The following SOBP variants were observed in gnomAD, a reference collection of about 807,000 sequenced individuals.
SOBP encodes sine oculis-binding protein homolog.
A neutral mutation model predicts 53.6 loss-of-function variants in SOBP; 4 were observed. The observed-to-expected ratio is 0.07, with a 90% CI of 0.04 to 0.17. SOBP has a LOEUF of 0.17. SOBP is among the 10% of genes least tolerant of loss of function. SOBP has a pLI of 1.00. For missense variants in SOBP, 1,088 were observed against 1,204.7 expected (o/e 0.90, Z 1.43); for synonymous variants, 584 against 522.6 (o/e 1.12, Z -1.60).
chr6:107,498,496 A>G (rs1360604378), intron 1 of SOBP, among the ~76,000 whole-genome samples: 1 of 152,122 alleles, frequency 6.6e-6, no homozygotes, highest in Non-Finnish European at 1.5e-5. Context: ...AATTACTGCT[A>G]TTTTCAGTGT....
At chr6:107,608,620 C>T (rs1007656771) in intron 5 of SOBP, among the ~76,000 whole-genome samples, 5 of 152,202 alleles carry the variant, frequency 3.3e-5, no homozygotes, top group Admixed American at 6.5e-5. Flanking sequence ...CTGCACTGTG[C>T]CCAGTGACCT....
chr6:107,581,071 GGA>G (rs1229968658), intron 4 of SOBP, among the ~76,000 whole-genome samples: 8 of 152,220 alleles, frequency 5.3e-5, no homozygotes, highest in Admixed American at 1.3e-4. Flanking sequence ...CACTAGTCCA[GGA>G]TCTGGACATT....
rs574410043 is a variant in SOBP at position 107,649,317 on chromosome 6, A to T, written c.*4-8890A>T. Among the ~76,000 whole-genome samples, 15 of 152,138 alleles carry T rather than the reference A, an allele frequency of 9.9e-5. No homozygotes were observed. In the South Asian group the frequency reaches 3.1e-3, roughly 32 times the overall value. ...GGCAACACAGGGAGACCCCATTTCT[A>T]CAAAAAATCAGAAAAAAATTAGCCA... On this transcript the variant is annotated intron_variant, in intron 6 of 6. Coordinates refer to ENST00000317357, the MANE Select transcript of SOBP (RefSeq NM_018013.4).
rs540369070 is a variant in SOBP at position 107,661,104 on chromosome 6, G to A, written c.*2901G>A. 2.0e-5 allele frequency among the ~76,000 whole-genome samples: 3 copies of A among 152,276 alleles called. No individual in the cohort carries two copies. Among genetic ancestry groups the A allele is most frequent in the South Asian group, 2.1e-4 (1 of 4,822 alleles). On this transcript the variant is annotated 3_prime_UTR_variant, in exon 7 of 7. Coordinates refer to ENST00000317357, the MANE Select transcript of SOBP (RefSeq NM_018013.4). Reference sequence around the variant, plus strand: ...CATCCAGGATATTGATTTTGCTTTTGTCTGTAGTCCAAGATTGTCAAGCAA... The same window carrying A: ...CATCCAGGATATTGATTTTGCTTTTATCTGTAGTCCAAGATTGTCAAGCAA...
intron 5 of SOBP, among the ~76,000 whole-genome samples, chr6:107,626,572 C>G (rs1206512429): frequency 6.6e-6 from 1 of 152,196 alleles, no homozygotes; most frequent in Non-Finnish European, 1.5e-5. Context: ...ACTCATGTCC[C>G]AGGTTCCTAG....
At chr6:107,594,482 A>G (rs1331817018) in intron 5 of SOBP, among the ~76,000 whole-genome samples, 1 of 146,182 alleles carries the variant, frequency 6.8e-6, no homozygotes, top group Non-Finnish European at 1.5e-5. Context: ...ACTAAGCTTA[A>G]AAAAAAAAAA....
At chr6:107,626,732 T>C (rs1358034277) in intron 5 of SOBP, among the ~76,000 whole-genome samples, 2 of 152,124 alleles carry the variant, frequency 1.3e-5, no homozygotes, top group Non-Finnish European at 2.9e-5. Flanking sequence ...CAATGGGAGA[T>C]GGGCTAGGAC....
rs762102097 is a variant in SOBP, at chr6:107,634,463, C to T, written c.1619C>T (p.Pro540Leu). Residue 540 changes from proline (P) to leucine (L), a missense_variant, in exon 6 of 7, where the codon CCC becomes CTC. This residue lies in a region of SOBP where 665 missense variants were observed against 629.7 expected (regional missense o/e 1.06). Coordinates refer to ENST00000317357, the MANE Select transcript of SOBP (RefSeq NM_018013.4). This position sits in a 1 kb window ranked among gnomAD's most constrained non-coding sequence, Gnocchi z 4.5. Reference protein sequence around the residue: ...IVPLPVPIPIPIPIPHVSDSK... With the variant: ...IVPLPVPIPILIPIPHVSDSK... ...CCCCTACCGGTGCCCATCCCCATCC[C>T]CATCCCTATCCCTCACGTCAGCGAC... 18 of 1,610,996 alleles carry T rather than the reference C, an allele frequency of 1.1e-5. No homozygotes were observed.
chr6:107,500,548 A>G (rs780310296), intron 1 of SOBP, among the ~76,000 whole-genome samples: 13 of 151,840 alleles, frequency 8.6e-5, no homozygotes, highest in South Asian at 2.1e-4. Flanking sequence ...TTGAGAAGGA[A>G]TCTCTCTCTG....
chr6:107,620,045 G>A (rs1180243567), intron 5 of SOBP, among the ~76,000 whole-genome samples: 3 of 152,196 alleles, frequency 2.0e-5, no homozygotes, highest in Non-Finnish European at 4.4e-5. Context: ...CCATAAAGAA[G>A]CCCAGGGAAA....
intron 6 of SOBP, chr6:107,636,344 A>G (rs561405335): frequency 6.6e-6 from 1 of 152,364 alleles, no homozygotes; most frequent in South Asian, 2.1e-4. Flanking sequence ...AGTGAGTTAA[A>G]TTTTTCAATA....
intron 5 of SOBP, among the ~76,000 whole-genome samples, chr6:107,594,302 A>G (rs1785863372): frequency 6.6e-6 from 1 of 152,198 alleles, no homozygotes; most frequent in Non-Finnish European, 1.5e-5. Context: ...TGCTGTGATT[A>G]TGATGATTTA....
At chr6:107,583,258 GA>G (rs754192092) in intron 4 of SOBP, among the ~76,000 whole-genome samples, 12 of 152,178 alleles carry the variant, frequency 7.9e-5, no homozygotes, top group Non-Finnish European at 1.2e-4. Flanking sequence ...ACAGTGGTGG[GA>G]GATCAGACTC....
chr6:107,582,456 T>G (rs2115053602), intron 4 of SOBP, among the ~76,000 whole-genome samples: 1 of 151,984 alleles, frequency 6.6e-6, no homozygotes, highest in Middle Eastern at 3.4e-3. Context: ...AATATTTATC[T>G]AAATGTTAGG....
chr6:107,641,623 G>A (rs958445379), intron 6 of SOBP, among the ~76,000 whole-genome samples: 3 of 152,114 alleles, frequency 2.0e-5, no homozygotes, highest in South Asian at 2.1e-4. Flanking sequence ...GGAAAGAGAC[G>A]CGTTCGGCCA....
In SOBP at chr6:107,635,412, C is replaced by T; in HGVS notation, c.2568C>T (p.Asp856=). ...CCATGCTCAGCGCCGGGCCTGAGGA[C>T]CTGGAGCCGCCGCTCAAAAGGAGGT... is the stretch of plus-strand genomic sequence containing the variant. ...SSPMLSAGPE[D]LEPPLKRRCL... Residue 856 remains aspartate, a synonymous_variant, in exon 6 of 7, where the codon GAC becomes GAT. Transcript: ENST00000317357. This position sits in a 1 kb window ranked among gnomAD's most constrained non-coding sequence, Gnocchi z 4.5. 1.2e-6 allele frequency: 2 copies of T among 1,613,312 alleles called. No individual in the cohort carries two copies. The highest frequency in any genetic ancestry group is 1.6e-4 in the Middle Eastern group (1 of 6,062).
chr6:107,582,519 C>T (rs1182581816), intron 4 of SOBP, among the ~76,000 whole-genome samples: 1 of 149,486 alleles, frequency 6.7e-6, no homozygotes, highest in Non-Finnish European at 1.5e-5. Context: ...AATCCGCTTG[C>T]AGTTTAACTG....
At chr6:107,568,745 T>G (rs1176961410) in intron 4 of SOBP, among the ~76,000 whole-genome samples, 1 of 152,206 alleles carries the variant, frequency 6.6e-6, no homozygotes, top group Non-Finnish European at 1.5e-5. Context: ...AATCCTATAT[T>G]GTAATTCTTA....
chr6:107,561,672 CT>C (rs1784776734), intron 4 of SOBP, among the ~76,000 whole-genome samples: 1 of 152,128 alleles, frequency 6.6e-6, no homozygotes, highest in South Asian at 2.1e-4. Flanking sequence ...GTGAAGAAGC[CT>C]TTTGTTTCTG....
Sources: gnomAD v4.1 joint callset for allele counts (sites outside exome capture counted in the v4.1 genomes callset) on GRCh38, gnomAD v4.1.1 for gene constraint, gnomAD v4.1.1 regional missense constraint, Gnocchi (gnomAD v3.1) non-coding constraint, MANE v1.5 for transcripts, NCBI Gene and HGNC (gene_info 2026-07-23, HGNC 2026-07-21) for gene names.